CFAP92: variants seen among roughly 807,000 people sequenced by gnomAD.
CFAP92 encodes cilia and flagella associated protein 92 (putative).
A neutral mutation model predicts 106.3 loss-of-function variants in CFAP92; 86 were observed. The ratio of observed to expected loss-of-function variants is 0.81; its 90% CI spans 0.68 to 0.97. The LOEUF (loss-of-function observed/expected upper bound fraction) is 0.97. CFAP92 is among the 50% of genes least tolerant of loss of function. The pLI, the probability that CFAP92 is intolerant of heterozygous loss-of-function variation, is 0.00. For synonymous variants in CFAP92, 477 were observed against 506.4 expected (o/e 0.94, Z 0.78); for missense variants, 1,204 against 1,283.8 (o/e 0.94, Z 0.95).
At chr3:128,934,895 A>G (rs1212518373) in intron 11 of CFAP92, among the ~76,000 whole-genome samples, 2 of 152,208 alleles carry the variant, frequency 1.3e-5, no homozygotes, top group Admixed American at 6.5e-5. Context: ...CCCAGGTTAG[A>G]AAATGGGTTT....
At chr3:128,910,372 C>A in intron 15 of CFAP92, 39 bp from the exon 16 acceptor site, 2 of 1,457,960 alleles carry the variant, frequency 1.4e-6, no homozygotes, top group South Asian at 2.8e-5. Context: ...GTTCCTGATC[C>A]CAGTGCCCCT....
intron 7 of CFAP92, 54 bp downstream of exon 7, chr3:128,975,725 A>C: frequency 7.4e-7 from 1 of 1,344,886 alleles, no homozygotes; most frequent in Admixed American, 2.7e-5. Context: ...AATATTTCAT[A>C]ATTATTCCAA....
In CFAP92 at chr3:128,948,679, G is replaced by A. The variant is rs1313057210; in HGVS notation, c.1354-2704C>T. Among the ~76,000 whole-genome samples the A allele has an allele frequency of 1.3e-4, 19 of 151,260 alleles. 1 individual carries two copies. Among genetic ancestry groups the A allele is most frequent in the South Asian group, 4.2e-4 (2 of 4,792 alleles). ...TGAGTAGCTGGGATTACAGGCACGC[G>A]CCACCAGGCCTGGCTAATTTTTGTG... On this transcript the variant is annotated intron_variant, in intron 9 of 15. Transcript: ENST00000645291.
intron 10 of CFAP92, among the ~76,000 whole-genome samples, chr3:128,936,504 C>T (rs1433798833): frequency 2.0e-5 from 3 of 152,120 alleles, no homozygotes; most frequent in East Asian, 1.9e-4. Context: ...AAAACAGAGT[C>T]GACAGGCGGG....
intron 9 of CFAP92, among the ~76,000 whole-genome samples, chr3:128,951,240 A>G (rs1346087865): frequency 6.6e-6 from 1 of 152,104 alleles, no homozygotes; most frequent in Non-Finnish European, 1.5e-5. Flanking sequence ...ATCTCAGAAA[A>G]AAAAAAAAGG....
the CFAP92 span, among the ~76,000 whole-genome samples, chr3:129,023,312 T>TC: frequency 6.8e-6 from 1 of 146,616 alleles, no homozygotes; most frequent in African/African-American, 2.5e-5. Context: ...TCTTGCTTCT[T>TC]TTTTTTTTTT....
chr3:128,914,896 C>T (rs1936678306), intron 15 of CFAP92: 1 of 551,872 alleles, frequency 1.8e-6, no homozygotes, highest in Non-Finnish European at 3.2e-6. Context: ...GGATTTGCCT[C>T]AAGTCACACA....
At chr3:128,950,137 A>G (rs911270216) in intron 9 of CFAP92, among the ~76,000 whole-genome samples, 1 of 152,202 alleles carries the variant, frequency 6.6e-6, no homozygotes, top group African/African-American at 2.4e-5. Context: ...CCAAATAGGG[A>G]GATTAGGTGA....
chr3:128,990,489 T>G (rs1944145584), intron 2 of CFAP92, among the ~76,000 whole-genome samples: 1 of 152,180 alleles, frequency 6.6e-6, no homozygotes, highest in Non-Finnish European at 1.5e-5. Context: ...AGAGAGAGAC[T>G]CTGTCTAAAA....
At chr3:128,940,551 A>T (rs1939522412) in intron 10 of CFAP92, among the ~76,000 whole-genome samples, 1 of 152,190 alleles carries the variant, frequency 6.6e-6, no homozygotes. Flanking sequence ...ATTGTGTAAG[A>T]TTCATTCTTT....
intron 15 of CFAP92, 83 bp from the exon 16 acceptor site, chr3:128,910,416 C>T (rs922656083): frequency 4.4e-5 from 59 of 1,354,754 alleles, no homozygotes; most frequent in South Asian, 8.9e-5. Flanking sequence ...GCACATTGCC[C>T]GCTGTGCTGG....
the CFAP92 span, among the ~76,000 whole-genome samples, chr3:129,023,548 G>A: frequency 6.6e-6 from 1 of 152,146 alleles, no homozygotes; most frequent in Non-Finnish European, 1.5e-5. Flanking sequence ...TAGCCAGGAT[G>A]GTCTCGACCT....
At chr3:128,911,088 C>T (rs1936255294) in intron 15 of CFAP92, among the ~76,000 whole-genome samples, 1 of 152,226 alleles carries the variant, frequency 6.6e-6, no homozygotes, top group Non-Finnish European at 1.5e-5. Context: ...TGGAGTTTCG[C>T]TCTTGTTGCC....
At chr3:129,018,852 G>T in the CFAP92 span, among the ~76,000 whole-genome samples, 8 of 152,190 alleles carry the variant, frequency 5.3e-5, no homozygotes, top group Admixed American at 5.2e-4. Context: ...GTCTCACTGT[G>T]CCTCTGACTC....
At chr3:128,910,464 C>T in intron 15 of CFAP92, 131 bp from the exon 16 acceptor site, 1 of 909,952 alleles carries the variant, frequency 1.1e-6, no homozygotes. Flanking sequence ...CCACTGTATA[C>T]CAGGATCTCT....
At chr3:129,019,764 C>CTTTTTTT in the CFAP92 span, among the ~76,000 whole-genome samples, 3 of 107,422 alleles carry the variant, frequency 2.8e-5, no homozygotes, top group East Asian at 3.0e-4. Flanking sequence ...ATTAAATTTA[C>CTTTTTTT]TTTTTTTTTT....
chr3:128,971,483 G>A (rs772807138), intron 7 of CFAP92, 50 bp from the exon 8 acceptor site: 1 of 1,419,418 alleles, frequency 7.0e-7, no homozygotes, highest in Middle Eastern at 1.8e-4. Flanking sequence ...CTGTATCTGA[G>A]CTGCCATATG....
At chr3:128,960,160 G>A (rs72977151) in intron 9 of CFAP92, among the ~76,000 whole-genome samples, 6,542 of 152,120 alleles carry the variant, frequency 0.043, 445 homozygotes, top group African/African-American at 0.14. Flanking sequence ...CTCTCTTTTC[G>A]GACTCAGCCC....
intron 15 of CFAP92, among the ~76,000 whole-genome samples, 185 bp from the exon 16 acceptor site, chr3:128,910,518 T>A (rs993262779): frequency 1.3e-5 from 2 of 152,210 alleles, no homozygotes; most frequent in Non-Finnish European, 2.9e-5. Context: ...GATTGTGACA[T>A]CTGCCTTTCA....
Sources: allele counts gnomAD v4.1 joint callset (sites outside exome capture counted in the v4.1 genomes callset), GRCh38; gene constraint gnomAD v4.1.1; transcripts MANE v1.5; gene names NCBI Gene and HGNC (gene_info 2026-07-23, HGNC 2026-07-21).